The following FOXP2 variants were observed in gnomAD, a reference collection of about 807,000 sequenced individuals.
FOXP2 encodes the protein forkhead box P2.
In FOXP2, 12 loss-of-function variants were observed where a neutral mutation model predicts 115.8. The observed-to-expected ratio is 0.10, with a 90% CI of 0.07 to 0.17. The LOEUF (loss-of-function observed/expected upper bound fraction) is 0.17. Ranked by LOEUF, FOXP2 falls within the 10% of genes least tolerant of loss-of-function variation. The pLI is 1.00. For missense variants in FOXP2, 629 were observed against 843.5 expected (o/e 0.75, Z 3.15); for synonymous variants, 328 against 297.7 (o/e 1.10, Z -1.05).
At chr7:114,689,636 G>A in intron 16 of FOXP2, 146 bp from the exon 17 acceptor site, 1 of 759,012 alleles carries the variant, frequency 1.3e-6, no homozygotes, top group Non-Finnish European at 2.2e-6. Context: ...TCTCTAACCA[G>A]CTCACGCAAT....
At chr7:114,113,990 G>A (rs1791340172) in intron 1 of FOXP2, among the ~76,000 whole-genome samples, 3 of 151,954 alleles carry the variant, frequency 2.0e-5, no homozygotes, top group Admixed American at 2.0e-4. Flanking sequence ...TGTATGCCTT[G>A]TTTCATTCCA....
chr7:114,659,689 G>A lies in FOXP2; in HGVS notation c.1647+16G>A. The A allele has an allele frequency of 6.3e-6, 10 of 1,596,416 alleles. No individual in the cohort carries two copies. The highest frequency in any genetic ancestry group is 8.6e-6 in the Non-Finnish European group (10 of 1,164,124). On this transcript the variant is annotated intron_variant, in intron 13 of 16. Transcript: ENST00000350908. ...AACTTGGAAGGTAACTACTTTTCCA[G>A]CAGTTTTAAGATGCCTACCACAGTT...
chr7:114,252,595 A>G (rs1326981670), intron 1 of FOXP2, among the ~76,000 whole-genome samples: 3 of 152,164 alleles, frequency 2.0e-5, no homozygotes, highest in African/African-American at 7.2e-5. Flanking sequence ...TGTTTATAGC[A>G]TTCTCTGATG....
At chr7:114,468,195 G>A (rs969397316) in intron 2 of FOXP2, among the ~76,000 whole-genome samples, 3 of 152,082 alleles carry the variant, frequency 2.0e-5, no homozygotes, top group African/African-American at 7.2e-5. Context: ...CCCTAAAGTA[G>A]TGTTTCTCCT....
rs564614366 is a variant in FOXP2, at chr7:114,357,723, T to C, written c.-10-68779T>C. Among the ~76,000 whole-genome samples the C allele has an allele frequency of 1.8e-3, 275 of 152,304 alleles. 1 individual carries two copies. Among genetic ancestry groups the C allele is most frequent in the African/African-American group, 6.3e-3 (263 of 41,588 alleles). The stretch of plus-strand genomic sequence containing the variant: ...TTAGTTGTCAAATACTTTAACTCCA[T>C]AGAGGATCAGTGGATACTTGGATGC... On this transcript the variant is annotated intron_variant, in intron 2 of 17. Transcript: ENST00000634411.
rs188164928 is a variant in FOXP2, at chr7:114,150,860, G to A, written c.-246-12084G>A. On this transcript the variant is annotated intron_variant, in intron 1 of 19. Transcript: ENST00000635638. ...GTTTTTGATCAGATTGTATTTACAT[G>A]ACAGCCTGGAACTGTGGCATTCCCT... Among the ~76,000 whole-genome samples the A allele has an allele frequency of 2.9e-3, 444 of 151,994 alleles. 4 individuals are homozygous for A. Among genetic ancestry groups the A allele is most frequent in the African/African-American group, 0.01 (433 of 41,502 alleles).
intron 1 of FOXP2, among the ~76,000 whole-genome samples, chr7:114,215,012 A>G (rs1212282535): frequency 6.6e-6 from 1 of 152,220 alleles, no homozygotes; most frequent in Admixed American, 6.5e-5. Flanking sequence ...GAAACATATT[A>G]AAATAATCCA....
intron 14 of FOXP2, among the ~76,000 whole-genome samples, chr7:114,662,468 TAG>T (rs143165509): frequency 2.0e-5 from 3 of 151,790 alleles, no homozygotes; most frequent in Non-Finnish European, 4.4e-5. Flanking sequence ...ACATGCTTTC[TAG>T]AGAGAGAGAG....
chr7:114,544,773 C>T (rs1381719459), intron 3 of FOXP2, among the ~76,000 whole-genome samples: 1 of 152,174 alleles, frequency 6.6e-6, no homozygotes, highest in African/African-American at 2.4e-5. Flanking sequence ...CCATAGTATC[C>T]AGCATTTAAA....
chr7:114,595,465 A>AT (rs1475927032), intron 3 of FOXP2, among the ~76,000 whole-genome samples: 1 of 151,994 alleles, frequency 6.6e-6, no homozygotes, highest in Non-Finnish European at 1.5e-5. Flanking sequence ...AGTAACTACT[A>AT]TTTTTTTGCA....
chr7:114,177,592 C>G (rs1321634645), intron 1 of FOXP2, among the ~76,000 whole-genome samples: 1 of 151,878 alleles, frequency 6.6e-6, no homozygotes, highest in Non-Finnish European at 1.5e-5. Flanking sequence ...TTTTGTGCAT[C>G]TATTTGAGAG....
chr7:114,257,714 A>G (rs958066362), intron 1 of FOXP2, among the ~76,000 whole-genome samples: 4 of 151,982 alleles, frequency 2.6e-5, no homozygotes, highest in Admixed American at 1.3e-4. Context: ...CGGCCTCCCA[A>G]AGTGCTTGGA....
chr7:114,346,383 G>A (rs1527145), intron 2 of FOXP2, among the ~76,000 whole-genome samples: 86,952 of 151,300 alleles, frequency 0.57, 25,662 homozygotes, highest in East Asian at 0.84. Context: ...AAATAAATGT[G>A]GTATATAGAC....
At chr7:114,435,730 G>A (rs1231497075) in intron 2 of FOXP2, among the ~76,000 whole-genome samples, 1 of 152,088 alleles carries the variant, frequency 6.6e-6, no homozygotes, top group Non-Finnish European at 1.5e-5. Context: ...GTAGAGACGG[G>A]GTTTCACCAT....
chr7:114,378,358 C>T (rs1444513483), intron 2 of FOXP2, among the ~76,000 whole-genome samples: 1 of 151,862 alleles, frequency 6.6e-6, no homozygotes, highest in African/African-American at 2.4e-5. Flanking sequence ...CTAATTCTTT[C>T]GGAATTGGAC....
At chr7:114,547,813 T>C (rs1338051027) in intron 3 of FOXP2, among the ~76,000 whole-genome samples, 1 of 152,164 alleles carries the variant, frequency 6.6e-6, no homozygotes, top group Non-Finnish European at 1.5e-5. Flanking sequence ...GTTTCTCAAA[T>C]ATCAAGAAAC....
Position 114,472,608 on chromosome 7 carries a change from A to G in FOXP2, c.168+45929A>G, listed in dbSNP as rs1796099816. Among the ~76,000 whole-genome samples, 2 of 152,130 alleles carry G rather than the reference A, an allele frequency of 1.3e-5. 1 individual carries two copies. The highest frequency in any genetic ancestry group is 4.2e-4 in the South Asian group (2 of 4,818). Reference sequence around the variant, plus strand: ...GGTGATCCACCAACCTCGGCCTCCCAGAGTGCTGGGTTTACAAACGTGAGC... The same window carrying G: ...GGTGATCCACCAACCTCGGCCTCCCGGAGTGCTGGGTTTACAAACGTGAGC... On this transcript the variant is annotated intron_variant, in intron 2 of 16. Transcript: ENST00000350908.
intron 1 of FOXP2, among the ~76,000 whole-genome samples, chr7:114,137,840 G>A (rs1792083400): frequency 6.6e-6 from 1 of 152,074 alleles, no homozygotes; most frequent in African/African-American, 2.4e-5. Flanking sequence ...ATATATAGGG[G>A]TTAGTATACA....
At chr7:114,119,102 C>A (rs1721899343) in intron 1 of FOXP2, among the ~76,000 whole-genome samples, 1 of 152,112 alleles carries the variant, frequency 6.6e-6, no homozygotes, top group African/African-American at 2.4e-5. Flanking sequence ...CCTTCATGAA[C>A]AATTAATGAC....
Sources: allele counts gnomAD v4.1 joint callset (sites outside exome capture counted in the v4.1 genomes callset), GRCh38; gene constraint gnomAD v4.1.1; transcripts MANE v1.5; gene names NCBI Gene and HGNC (gene_info 2026-07-23, HGNC 2026-07-21).